The following VOPP1 variants were observed in gnomAD, a reference collection of about 807,000 sequenced individuals.
VOPP1 encodes WW domain binding protein VOPP1.
In VOPP1, 8 loss-of-function variants were observed where a neutral mutation model predicts 23.5. That is an observed-to-expected ratio of 0.34 (90% CI 0.20 to 0.61). The LOEUF is 0.61. VOPP1 is among the 20% of genes least tolerant of loss of function. The pLI is 0.78. For missense variants in VOPP1, 174 were observed against 238.1 expected (o/e 0.73, Z 1.77); for synonymous variants, 83 against 97.3 (o/e 0.85, Z 0.86).
Position 55,483,538 on chromosome 7 carries a change from T to C in VOPP1, c.328+8744A>G, listed in dbSNP as rs554998381. On this transcript the variant is annotated intron_variant, in intron 4 of 4. Coordinates refer to ENST00000285279, the MANE Select transcript of VOPP1 (RefSeq NM_030796.5). ...ATCCCAATGCCCCACCCTGGCCAAA[T>C]AGGGCAGTGCCTCTTACAGCTCTCT... is the stretch of plus-strand genomic sequence containing the variant. Among the ~76,000 whole-genome samples, 7 of 152,216 alleles carry C rather than the reference T, an allele frequency of 4.6e-5. No individual in the cohort carries two copies. In the East Asian group the frequency reaches 7.7e-4, roughly 17 times the overall value.
At chr7:55,466,378 C>T (rs548679934), downstream of VOPP1, among the ~76,000 whole-genome samples, 1 of 152,300 alleles carries the variant, frequency 6.6e-6, no homozygotes, top group South Asian at 2.1e-4. Context: ...GAGGGAGGGA[C>T]TCCTCTCCCC....
chr7:55,551,188 G>C (rs1797592113), intron 1 of VOPP1, among the ~76,000 whole-genome samples: 1 of 152,188 alleles, frequency 6.6e-6, no homozygotes, highest in Non-Finnish European at 1.5e-5. Context: ...TCTACAGCAA[G>C]GCACTCCAGG....
intron 2 of VOPP1, among the ~76,000 whole-genome samples, chr7:55,512,784 G>T (rs1795165259): frequency 6.6e-6 from 1 of 152,222 alleles, no homozygotes. Flanking sequence ...GAGTCCAGCT[G>T]ACTTCTGCAC....
intron 4 of VOPP1, among the ~76,000 whole-genome samples, chr7:55,439,600 G>A (rs897825973): frequency 3.3e-5 from 5 of 152,260 alleles, no homozygotes; most frequent in African/African-American, 1.2e-4. Context: ...GTGCTGGAGT[G>A]ACGTCTCCAA....
At chr7:55,549,257 G>A (rs1797498588) in intron 1 of VOPP1, among the ~76,000 whole-genome samples, 1 of 152,182 alleles carries the variant, frequency 6.6e-6, no homozygotes, top group African/African-American at 2.4e-5. Flanking sequence ...AGACAGTCAT[G>A]GGGCAAAAAG....
chr7:55,453,126 T>A (rs746858950), intron 4 of VOPP1, among the ~76,000 whole-genome samples: 12 of 152,248 alleles, frequency 7.9e-5, no homozygotes, highest in Non-Finnish European at 1.0e-4. Flanking sequence ...AGCTTCTACA[T>A]CAGCACTTTC....
chr7:55,530,640 T>C (rs913520001), intron 1 of VOPP1, among the ~76,000 whole-genome samples: 1 of 152,210 alleles, frequency 6.6e-6, no homozygotes, highest in African/African-American at 2.4e-5. Flanking sequence ...GTCATCATAA[T>C]CCACGACCCA....
intron 1 of VOPP1, among the ~76,000 whole-genome samples, chr7:55,544,945 C>T (rs532755982): frequency 1.3e-5 from 2 of 152,066 alleles, no homozygotes; most frequent in Non-Finnish European, 2.9e-5. Flanking sequence ...TTCGTGTAAT[C>T]GGTACTGATA....
chr7:55,546,651 TA>T (rs1797377910), intron 1 of VOPP1, among the ~76,000 whole-genome samples: 2 of 152,238 alleles, frequency 1.3e-5, no homozygotes, highest in African/African-American at 4.8e-5. Context: ...TCTATAAATC[TA>T]AACTTATTCC....
intron 2 of VOPP1, among the ~76,000 whole-genome samples, chr7:55,512,374 C>T (rs1186901203): frequency 2.0e-5 from 3 of 151,874 alleles, no homozygotes; most frequent in Non-Finnish European, 2.9e-5. Context: ...TGCAGTGAGC[C>T]GAGATCGTGC....
At chr7:55,488,677 T>TGCCC (rs1310267666) in intron 4 of VOPP1, among the ~76,000 whole-genome samples, 1 of 151,914 alleles carries the variant, frequency 6.6e-6, no homozygotes, top group Non-Finnish European at 1.5e-5. Flanking sequence ...TATGAGCCAC[T>TGCCC]GCCCCCCCTG....
chr7:55,536,422 G>A (rs1014684640), intron 1 of VOPP1, among the ~76,000 whole-genome samples: 6 of 152,082 alleles, frequency 3.9e-5, no homozygotes, highest in African/African-American at 7.2e-5. Context: ...CCAGCTACTC[G>A]GGAGGTTGAG....
chr7:55,492,522 A>C, intron 3 of VOPP1, 104 bp from the exon 4 acceptor site: 2 of 1,323,082 alleles, frequency 1.5e-6, no homozygotes, highest in Non-Finnish European at 2.0e-6. Flanking sequence ...TCCGGGACCA[A>C]TGACTCCCAA....
At chr7:55,457,749 T>C (rs571525710) in intron 4 of VOPP1, among the ~76,000 whole-genome samples, 80 of 152,308 alleles carry the variant, frequency 5.3e-4, no homozygotes, top group Non-Finnish European at 9.7e-4. Flanking sequence ...GCCATTTGTA[T>C]GTCTTCTTTT....
chr7:55,471,094 A>T lies in VOPP1; in HGVS notation c.*1761T>A, dbSNP rs1335832258. The T allele has an allele frequency of 6.7e-6, 1 of 150,042 alleles. No individual in the cohort carries two copies. The highest frequency in any genetic ancestry group is 2.5e-5 in the African/African-American group (1 of 40,630). 9.3% of individuals were successfully genotyped at this position (150,042 alleles called of 1,614,324 possible). A position where few individuals can be genotyped will look rare whatever the true frequency, so the allele number is the denominator to read the frequency against. ...TGTGCTTTTTCATTACAAAAAATAA[A>T]GACATTAAAAATGCAAAACAAATGA... On this transcript the variant is annotated 3_prime_UTR_variant, in exon 5 of 5. Transcript: ENST00000285279.
chr7:55,518,480 C>A (rs1220774445), intron 2 of VOPP1, among the ~76,000 whole-genome samples: 1 of 152,206 alleles, frequency 6.6e-6, no homozygotes, highest in Admixed American at 6.5e-5. Context: ...GCACTCGCCG[C>A]GTGGTGGTTT....
intron 3 of VOPP1, among the ~76,000 whole-genome samples, chr7:55,497,305 T>C (rs1794022639): frequency 6.6e-6 from 1 of 152,224 alleles, no homozygotes; most frequent in Non-Finnish European, 1.5e-5. Flanking sequence ...ACAATCAGCC[T>C]TGGCTCCATT....
rs71561947 is a variant in VOPP1 at position 55,564,243 on chromosome 7, G to GTCTCTCTCTCTCTCTCTCTCTCTCTC, written c.54+8027_54+8028insGAGAGAGAGAGAGAGAGAGAGAGAGA. ...CAACACACTCTTTCTCTCTGTCTCT[G>GTCTCTCTCTCTCTCTCTCTCTCTCTC]TCTCTCTCTCTCTCTCTCTCTCTCG... On this transcript the variant is annotated intron_variant, in intron 1 of 4. Coordinates refer to ENST00000285279, the MANE Select transcript of VOPP1 (RefSeq NM_030796.5). 6.0e-3 allele frequency among the ~76,000 whole-genome samples: 761 copies of GTCTCTCTCTCTCTCTCTCTCTCTCTC among 125,918 alleles called. 23 individuals are homozygous for GTCTCTCTCTCTCTCTCTCTCTCTCTC. The highest frequency in any genetic ancestry group is 9.4e-3 in the Non-Finnish European group (568 of 60,724). 82.6% of individuals were successfully genotyped at this position (125,918 alleles called of 152,430 possible). A position where few individuals can be genotyped will look rare whatever the true frequency, so the allele number is the denominator to read the frequency against.
chr7:55,481,278 G>A (rs980331328), intron 4 of VOPP1, among the ~76,000 whole-genome samples: 1 of 152,224 alleles, frequency 6.6e-6, no homozygotes, highest in Non-Finnish European at 1.5e-5. Context: ...GCAGCCAGGA[G>A]GGGTGCTGAG....
Sources: gnomAD v4.1 joint callset for allele counts (sites outside exome capture counted in the v4.1 genomes callset) on GRCh38, gnomAD v4.1.1 for gene constraint, MANE v1.5 for transcripts, NCBI Gene and HGNC (gene_info 2026-07-23, HGNC 2026-07-21) for gene names.